The following DCHS1 variants were observed in gnomAD, a reference collection of about 807,000 sequenced individuals.
DCHS1 encodes the protein dachsous cadherin-related 1.
A neutral mutation model predicts 213.9 loss-of-function variants in DCHS1; 78 were observed. The ratio of observed to expected loss-of-function variants is 0.36; its 90% CI spans 0.30 to 0.44. The LOEUF (loss-of-function observed/expected upper bound fraction) is 0.44. DCHS1 is among the 20% of genes least tolerant of loss of function. The pLI, the probability that DCHS1 is intolerant of heterozygous loss-of-function variation, is 1.00. For missense variants in DCHS1, 3,946 were observed against 4,395.9 expected (o/e 0.90, Z 2.89); for synonymous variants, 1,828 against 1,873.7 (o/e 0.98, Z 0.63).
rs1322418034 is a variant in DCHS1 at position 6,625,951 on chromosome 11, T to C, written c.6700A>G (p.Ile2234Val). 2 of 1,613,676 alleles carry C rather than the reference T, an allele frequency of 1.2e-6. No homozygotes were observed. The highest frequency in any genetic ancestry group is 1.3e-5 in the African/African-American group (1 of 75,040). ...TCAGCCCAGATCTCACGGTCCAGGA[T>C]GGCTGTGGTAGTGATAGTGCCTGTG... is the stretch of plus-strand genomic sequence containing the variant. The part of the protein sequence containing the change: ...PTTGTITTTA[I>V]LDREIWAETR... The change falls in exon 17 of 21, where the codon ATC becomes GTC. Residue 2234 changes from isoleucine (I) to valine (V), a missense_variant. Around this residue, in one of 3 missense-constraint regions of DCHS1, gnomAD observed 3,384 missense variants for 3,780.1 expected, o/e 0.90. Coordinates refer to ENST00000299441, the MANE Select transcript of DCHS1 (RefSeq NM_003737.4). This position sits in a 1 kb window ranked among gnomAD's most constrained non-coding sequence, Gnocchi z 5.3.
Position 6,640,976 on chromosome 11 carries a change from A to G in DCHS1, c.638T>C (p.Leu213Pro). ...PVPELVVTGELDRENRSHYML... is the reference protein window; with the variant it reads ...PVPELVVTGEPDRENRSHYML... ...ATAGTGTGAGCGGTTCTCTCGGTCC[A>G]GTTCCCCAGTAACTACCAGCTCAGG... is the stretch of plus-strand genomic sequence containing the variant. The change falls in exon 2 of 21, where the codon CTG (leucine) becomes CCG (proline). Residue 213 changes from leucine (L) to proline (P), a missense_variant. By Grantham distance (98) the Leu-to-Pro change is moderately conservative. Around this residue, in one of 3 missense-constraint regions of DCHS1, gnomAD observed 3,384 missense variants for 3,780.1 expected, o/e 0.90. Coordinates refer to ENST00000299441, the MANE Select transcript of DCHS1 (RefSeq NM_003737.4). This position sits in a 1 kb window ranked among gnomAD's most constrained non-coding sequence, Gnocchi z 6.5. 1 of 1,614,024 alleles carries G rather than the reference A, an allele frequency of 6.2e-7. No homozygotes were observed. Among genetic ancestry groups the G allele is most frequent in the Non-Finnish European group, 8.5e-7 (1 of 1,179,892 alleles).
rs1248979106 is a variant in DCHS1, at chr11:6,625,323, G to C, written c.7021C>G (p.Gln2341Glu). ...AGCTGCAGCTGGTAGCGGTCACACT[G>C]CTCAAAGTCCAGGGGCCCCGTGAGG... ...VSLTGPLDFE[Q>E]CDRYQLQLLA... The change falls in exon 19 of 21, where the codon CAG becomes GAG. Residue 2341 changes from glutamine (Q) to glutamate (E), a missense_variant. By Grantham distance (29) the Gln-to-Glu change is conservative. This residue lies in a region of DCHS1 where 3,384 missense variants were observed against 3,780.1 expected (regional missense o/e 0.90). Coordinates refer to ENST00000299441, the MANE Select transcript of DCHS1 (RefSeq NM_003737.4). This position sits in a 1 kb window ranked among gnomAD's most constrained non-coding sequence, Gnocchi z 5.3. 4 of 1,613,842 alleles carry C rather than the reference G, an allele frequency of 2.5e-6. No homozygotes were observed. The highest frequency in any genetic ancestry group is 3.4e-6 in the Non-Finnish European group (4 of 1,179,864).
rs1389456124 is a variant in DCHS1 at position 6,622,631 on chromosome 11, A to G, written c.9045T>C (p.Ala3015=). The G allele has an allele frequency of 1.6e-5, 25 of 1,586,792 alleles. No homozygotes were observed. The highest frequency in any genetic ancestry group is 2.0e-5 in the Non-Finnish European group (23 of 1,166,892). The change falls in exon 21 of 21, where the codon GCT becomes GCC. Residue 3015 remains alanine, a synonymous_variant. Transcript: ENST00000299441. This position sits in a 1 kb window ranked among gnomAD's most constrained non-coding sequence, Gnocchi z 5.4. ...AGCCACCACGGGGGTAGGGTCCTCCAGCTCCTGGCCCACCATAGCTGGGAA... is the reference window on the plus strand; with the variant it reads ...AGCCACCACGGGGGTAGGGTCCTCCGGCTCCTGGCCCACCATAGCTGGGAA... ...QTLPSYGGPG[A]GGPYPRGGSL...
intron 1 of DCHS1, among the ~76,000 whole-genome samples, chr11:6,646,926 C>G (rs1856166206): frequency 6.6e-6 from 1 of 151,682 alleles, no homozygotes; most frequent in African/African-American, 2.4e-5. Context: ...GGGGGAGGAG[C>G]AGGGGGACTA....
intron 1 of DCHS1, among the ~76,000 whole-genome samples, chr11:6,649,303 A>G (rs1225806244): frequency 6.6e-6 from 1 of 151,798 alleles, no homozygotes; most frequent in Non-Finnish European, 1.5e-5. Context: ...AAAAGCTCAT[A>G]TAACTGGTCA....
Position 6,628,552 on chromosome 11 carries a change from C to T in DCHS1, c.5371+69G>A. ...ACCCAGACACATGCACTGAGGCTGACAGCAGCCAAGAAGGAGCAAGAACCA... is the reference window on the plus strand; with the variant it reads ...ACCCAGACACATGCACTGAGGCTGATAGCAGCCAAGAAGGAGCAAGAACCA... On this transcript the variant is annotated intron_variant, in intron 13 of 20. Transcript: ENST00000299441. The surrounding 1 kb of genome is among the most constrained non-coding windows in gnomAD (Gnocchi z 4.3). 1 of 1,564,012 alleles carries T rather than the reference C, an allele frequency of 6.4e-7. No individual in the cohort carries two copies. Among genetic ancestry groups the T allele is most frequent in the Non-Finnish European group, 8.8e-7 (1 of 1,136,630 alleles).
intron 1 of DCHS1, among the ~76,000 whole-genome samples, chr11:6,646,914 G>A (rs943093731): frequency 1.3e-5 from 2 of 152,088 alleles, no homozygotes; most frequent in Non-Finnish European, 1.5e-5. Context: ...GAGGTGGGCT[G>A]GGGGGGAGGA....
rs149022037 is a variant in DCHS1, at chr11:6,640,913, G to C, written c.701C>G (p.Pro234Arg). The C allele has an allele frequency of 1.5e-4, 236 of 1,614,058 alleles. No homozygotes were observed. The highest frequency in any genetic ancestry group is 6.9e-5 in the Non-Finnish European group (81 of 1,179,902). ...QLEAYDGGSP[P>R]RRAQALLDVT... ...GTCCAGCAGGGCCTGGGCCCTCCGGGGGGGTGAACCACCATCATAGGCCTC... is the reference window on the plus strand; with the variant it reads ...GTCCAGCAGGGCCTGGGCCCTCCGGCGGGGTGAACCACCATCATAGGCCTC... Residue 234 changes from proline to arginine, a missense_variant, in exon 2 of 21, where the codon CCC becomes CGC. By Grantham distance (103) the Pro-to-Arg change is moderately radical. Around this residue, in one of 3 missense-constraint regions of DCHS1, gnomAD observed 3,384 missense variants for 3,780.1 expected, o/e 0.90. Coordinates refer to ENST00000299441, the MANE Select transcript of DCHS1 (RefSeq NM_003737.4). This position sits in a 1 kb window ranked among gnomAD's most constrained non-coding sequence, Gnocchi z 6.5.
chr11:6,655,204 G>A (rs1466961129), intron 1 of DCHS1, among the ~76,000 whole-genome samples: 1 of 152,080 alleles, frequency 6.6e-6, no homozygotes, highest in Non-Finnish European at 1.5e-5. Context: ...CACCCTCAGA[G>A]TGACACGCAC....
Position 6,641,345 on chromosome 11 carries a change from G to T in DCHS1, c.269C>A (p.Thr90Lys). The T allele has an allele frequency of 6.2e-7, 1 of 1,613,618 alleles. No individual in the cohort carries two copies. The highest frequency in any genetic ancestry group is 8.5e-7 in the Non-Finnish European group (1 of 1,179,890). Residue 90 changes from threonine to lysine, a missense_variant, in exon 2 of 21, where the codon ACA becomes AAA. Coordinates refer to ENST00000299441, the MANE Select transcript of DCHS1 (RefSeq NM_003737.4). The surrounding 1 kb of genome is among the most constrained non-coding windows in gnomAD (Gnocchi z 7.1). ...ISAQEGSGVG[T>K]DLAIDEHSGV... ...ACTGTGTTCGTCAATGGCCAGGTCT[G>T]TGCCCACGCCGCTGCCCTCTTGGGC...
In DCHS1 at chr11:6,624,396, A is replaced by G. The variant is rs1222324899; in HGVS notation, c.7286-6T>C. 3.2e-6 allele frequency: 5 copies of G among 1,544,464 alleles called. No homozygotes were observed. Among genetic ancestry groups the G allele is most frequent in the Non-Finnish European group, 4.4e-6 (5 of 1,142,504 alleles). On this transcript the variant is annotated splice_region_variant and splice_polypyrimidine_tract_variant and intron_variant, in intron 20 of 20. Coordinates refer to ENST00000299441, the MANE Select transcript of DCHS1 (RefSeq NM_003737.4). ...CACTATTGTGAACAGGGTCCCTGAG[A>G]TGAGAACGGAAGGGAAAGAAATATA... is the stretch of plus-strand genomic sequence containing the variant.
Position 6,633,996 on chromosome 11 carries a change from C to T in DCHS1, c.2011G>A (p.Val671Met). 1.9e-6 allele frequency: 3 copies of T among 1,613,996 alleles called. No individual in the cohort carries two copies. Among genetic ancestry groups the T allele is most frequent in the Non-Finnish European group, 2.5e-6 (3 of 1,179,880 alleles). ...TTCTCGTCTGACAGAAACACCTTCA[C>T]ATATACCATGGACTTGAGGCCTCCC... Reference protein sequence around the residue: ...DGGGLKSMVYVKVFLSDENDN... With the variant: ...DGGGLKSMVYMKVFLSDENDN... Residue 671 changes from valine to methionine, a missense_variant, in exon 4 of 21, where the codon GTG (valine) becomes ATG (methionine). Transcript: ENST00000299441.
rs751442227 is a variant in DCHS1, at chr11:6,641,407, C to T, written c.207G>A (p.Pro69=). 9 of 1,613,310 alleles carry T rather than the reference C, an allele frequency of 5.6e-6. No homozygotes were observed. The highest frequency in any genetic ancestry group is 2.2e-5 in the East Asian group (1 of 44,876). ...ACATGAGAGGAGCTGCCGTGCCTGC[C>T]GGAAGCCCCGCACTGATGTCGCCAA... is the stretch of plus-strand genomic sequence containing the variant. The part of the protein sequence containing the change: ...TLIGDISAGL[P]AGTAAPLMYF... The change falls in exon 2 of 21, where the codon CCG becomes CCA. Residue 69 remains proline (P), a synonymous_variant. Coordinates refer to ENST00000299441, the MANE Select transcript of DCHS1 (RefSeq NM_003737.4). The surrounding 1 kb of genome is among the most constrained non-coding windows in gnomAD (Gnocchi z 7.1).
chr11:6,631,396 G>A lies in DCHS1; in HGVS notation c.3687C>T (p.Arg1229=), dbSNP rs200997946. The change falls in exon 8 of 21, where the codon CGC becomes CGT. Residue 1229 remains arginine (R), a synonymous_variant. Coordinates refer to ENST00000299441, the MANE Select transcript of DCHS1 (RefSeq NM_003737.4). ...TCGTCACCAGTGTTCCCGGAGGCAC[G>A]CGGTCTGGTACCTGTGGGAACACAA... ...GGGLPIQVPD[R]VPPGTLVTTL... is the part of the protein sequence containing the mutation. The A allele has an allele frequency of 1.3e-4, 209 of 1,613,976 alleles. No homozygotes were observed. The highest frequency in any genetic ancestry group is 2.8e-4 in the Admixed American group (17 of 60,032).
At chr11:6,629,975 C>T in intron 10 of DCHS1, 24 bp downstream of exon 10, 1 of 1,588,404 alleles carries the variant, frequency 6.3e-7, no homozygotes, top group East Asian at 2.2e-5. Flanking sequence ...CTTCCTCGCC[C>T]TCACTCCCAG....
In DCHS1 at chr11:6,630,787, A is replaced by T. The variant is rs1855894229; in HGVS notation, c.4007T>A (p.Val1336Glu). The T allele has an allele frequency of 6.5e-7, 1 of 1,546,684 alleles. No individual in the cohort carries two copies. ...TCCCTCAGCTGCTGTCACCGTCAGC[A>T]CGACAGGCACTGGTGCCGCTGGGTC... is the stretch of plus-strand genomic sequence containing the variant. Reference protein sequence around the residue: ...ERDPAAPVPVVLTVTAAEGLR... With the variant: ...ERDPAAPVPVELTVTAAEGLR... The change falls in exon 10 of 21, where the codon GTG becomes GAG. Residue 1336 changes from valine (V) to glutamate (E), a missense_variant. Around this residue, in one of 3 missense-constraint regions of DCHS1, gnomAD observed 3,384 missense variants for 3,780.1 expected, o/e 0.90. Transcript: ENST00000299441.
At chr11:6,644,943 C>T (rs988648256) in intron 1 of DCHS1, among the ~76,000 whole-genome samples, 3 of 152,216 alleles carry the variant, frequency 2.0e-5, no homozygotes, top group Non-Finnish European at 2.9e-5. Flanking sequence ...ACACTTCTGA[C>T]CCACCTCCTC....
intron 12 of DCHS1, among the ~76,000 whole-genome samples, chr11:6,629,251 G>T (rs367680385): frequency 2.0e-5 from 3 of 152,178 alleles, no homozygotes; most frequent in African/African-American, 7.2e-5. Context: ...AATTTGTACG[G>T]TCACAGTTGT....
At chr11:6,646,913 T>TG (rs1405735370) in intron 1 of DCHS1, among the ~76,000 whole-genome samples, 7 of 147,360 alleles carry the variant, frequency 4.8e-5, no homozygotes, top group South Asian at 4.4e-4. Context: ...AGAGGTGGGC[T>TG]GGGGGGGAGG....
Sources: gnomAD v4.1 joint callset for allele counts (sites outside exome capture counted in the v4.1 genomes callset) on GRCh38, gnomAD v4.1.1 for gene constraint, gnomAD v4.1.1 regional missense constraint, Gnocchi (gnomAD v3.1) non-coding constraint, MANE v1.5 for transcripts, NCBI Gene and HGNC (gene_info 2026-07-23, HGNC 2026-07-21) for gene names.